The following KIAA0753 variants were observed in gnomAD, a reference collection of about 807,000 sequenced individuals.
The protein encoded by KIAA0753 is protein moonraker.
KIAA0753 carries 114 observed loss-of-function variants against 116.9 expected under a neutral mutation model. The observed-to-expected ratio is 0.98, with a 90% confidence interval of 0.84 to 1.14. The LOEUF (loss-of-function observed/expected upper bound fraction) is 1.14, where lower values mean the gene tolerates loss of function less well. Ranked by LOEUF, KIAA0753 falls within the 50% of genes most tolerant of loss-of-function variation. The pLI is 0.00. For missense variants in KIAA0753, 1,156 were observed against 1,172.4 expected (o/e 0.99, Z 0.20); for synonymous variants, 405 against 413.1 (o/e 0.98, Z 0.24).
At chr17:6,580,190 TAAATA>T (rs1263154404) in intron 18 of KIAA0753, among the ~76,000 whole-genome samples, 1 of 150,998 alleles carries the variant, frequency 6.6e-6, no homozygotes, top group Admixed American at 6.6e-5. Flanking sequence ...CGTCTCAAAA[TAAATA>T]AAATAAAATA....
Position 6,623,063 on chromosome 17 carries a change from C to T in KIAA0753, c.923G>A (p.Arg308Gln), listed in dbSNP as rs756592569. ...WAMSKLAAAH[R>Q]GAIRALQMFV... is the part of the protein sequence containing the mutation. ...CATCTGTAAGGCCCGAATGGCTCCT[C>T]GATGGGCAGCCGCCAGCTTAGACAT... Residue 308 changes from arginine to glutamine, a missense_variant, in exon 6 of 19, where the codon CGA becomes CAA. Physicochemically the swap from Arg to Gln is conservative, Grantham distance 43 (BLOSUM62 1). Coordinates refer to ENST00000361413, the MANE Select transcript of KIAA0753 (RefSeq NM_014804.3). The T allele has an allele frequency of 1.2e-5, 20 of 1,613,724 alleles. No individual in the cohort carries two copies. Among genetic ancestry groups the T allele is most frequent in the South Asian group, 3.3e-5 (3 of 91,068 alleles).
At chr17:6,600,315 C>T in intron 13 of KIAA0753, 65 bp downstream of exon 13, 1 of 1,264,840 alleles carries the variant, frequency 7.9e-7, no homozygotes, top group Non-Finnish European at 1.2e-6. Context: ...GAGACCTCTG[C>T]AGCAACTCAT....
chr17:6,599,044 T>C (rs1261030206), intron 14 of KIAA0753, among the ~76,000 whole-genome samples, 193 bp downstream of exon 14: 1 of 152,180 alleles, frequency 6.6e-6, no homozygotes, highest in Non-Finnish European at 1.5e-5. Context: ...TTGTGCTCTG[T>C]TTGCAGGGCT....
At chr17:6,617,974 T>C (rs1461861592) in intron 7 of KIAA0753, among the ~76,000 whole-genome samples, 4 of 152,118 alleles carry the variant, frequency 2.6e-5, no homozygotes, top group Non-Finnish European at 2.9e-5. Flanking sequence ...AGGTGGTGCA[T>C]GCCTGTAATC....
At chr17:6,610,666 G>A (rs149530652) in intron 8 of KIAA0753, among the ~76,000 whole-genome samples, 3 of 151,728 alleles carry the variant, frequency 2.0e-5, no homozygotes, top group African/African-American at 7.2e-5. Flanking sequence ...GATCACAAGT[G>A]TTAGATACCA....
intron 13 of KIAA0753, 81 bp downstream of exon 13, chr17:6,600,299 A>C (rs1969779908): frequency 9.4e-7 from 1 of 1,061,650 alleles, no homozygotes; most frequent in Admixed American, 1.8e-5. Flanking sequence ...CCTATAAAGG[A>C]TCAATGAGAC....
chr17:6,621,123 C>T (rs1971294605), intron 6 of KIAA0753, 125 bp from the exon 7 acceptor site: 4 of 776,124 alleles, frequency 5.2e-6, no homozygotes, highest in African/African-American at 1.8e-5. Context: ...ACAGTTAACA[C>T]AATCTTAATT....
At chr17:6,620,524 T>C (rs1054715561) in intron 7 of KIAA0753, among the ~76,000 whole-genome samples, 4 of 152,138 alleles carry the variant, frequency 2.6e-5, no homozygotes, top group African/African-American at 4.8e-5. Context: ...AAAGTAGGGT[T>C]CTAACTTCCA....
chr17:6,608,913 A>G (rs1470645699), intron 9 of KIAA0753, among the ~76,000 whole-genome samples: 1 of 152,242 alleles, frequency 6.6e-6, no homozygotes, highest in Non-Finnish European at 1.5e-5. Context: ...GGTTTGTAAT[A>G]CAAACTTCAA....
At chr17:6,610,828 C>T (rs372412099) in intron 8 of KIAA0753, among the ~76,000 whole-genome samples, 4 of 152,186 alleles carry the variant, frequency 2.6e-5, no homozygotes, top group South Asian at 2.1e-4. Flanking sequence ...ATGAATCTAG[C>T]GATTTAAAAA....
intron 2 of KIAA0753, among the ~76,000 whole-genome samples, chr17:6,633,733 C>T (rs1309178822): frequency 6.6e-6 from 1 of 152,102 alleles, no homozygotes; most frequent in African/African-American, 2.4e-5. Context: ...CTGATACATG[C>T]AATGACAAGG....
chr17:6,606,979 A>G lies in KIAA0753; in HGVS notation c.1920-17T>C, dbSNP rs890289196. 1.9e-6 allele frequency: 3 copies of G among 1,610,358 alleles called. No individual in the cohort carries two copies. Among genetic ancestry groups the G allele is most frequent in the Non-Finnish European group, 2.5e-6 (3 of 1,176,570 alleles). On this transcript the variant is annotated splice_polypyrimidine_tract_variant and intron_variant, in intron 11 of 18. Coordinates refer to ENST00000361413, the MANE Select transcript of KIAA0753 (RefSeq NM_014804.3). ...CAATCAAGCCTAGAGAACAGTATCA[A>G]GAGTCACCCCAACTCTCCTCAAGGC... is the stretch of plus-strand genomic sequence containing the variant.
chr17:6,622,145 C>T (rs533042226), intron 6 of KIAA0753, among the ~76,000 whole-genome samples: 2 of 152,208 alleles, frequency 1.3e-5, no homozygotes, highest in Admixed American at 6.5e-5. Context: ...AAATGTATGG[C>T]GTAGGGGAAC....
chr17:6,605,622 A>G (rs532161791), intron 12 of KIAA0753, among the ~76,000 whole-genome samples: 13 of 152,200 alleles, frequency 8.5e-5, no homozygotes, highest in Non-Finnish European at 1.5e-4. Flanking sequence ...ATTAAACAAG[A>G]TATTGTTAGG....
In KIAA0753 at chr17:6,608,361, G is replaced by C; in HGVS notation, c.1816C>G (p.His606Asp). Residue 606 changes from histidine to aspartate, a missense_variant, in exon 10 of 19, where the codon CAT becomes GAT. His to Asp is a moderately conservative substitution (Grantham distance 81). Coordinates refer to ENST00000361413, the MANE Select transcript of KIAA0753 (RefSeq NM_014804.3). ...ACCAGCACAAACCTGGCTGCTTCATGCTCAACAGCACCTGTCAGGTGACTT... is the reference window on the plus strand; with the variant it reads ...ACCAGCACAAACCTGGCTGCTTCATCCTCAACAGCACCTGTCAGGTGACTT... The part of the protein sequence containing the change: ...EESHLTGAVE[H>D]EAARLAWLDA... The C allele has an allele frequency of 2.0e-6, 3 of 1,482,570 alleles. No individual in the cohort carries two copies. The Middle Eastern group carries it at 5.4e-4, about 268-fold the overall frequency. The allele number at this position is 1,482,570 out of a possible 1,614,324, so 91.8% of individuals were successfully genotyped here.
intron 7 of KIAA0753, among the ~76,000 whole-genome samples, chr17:6,616,690 G>A (rs777210378): frequency 3.9e-5 from 6 of 152,190 alleles, no homozygotes; most frequent in Admixed American, 1.3e-4. Context: ...GCTGGGCAGG[G>A]TGGCACATGC....
At chr17:6,610,824 C>A (rs911150957) in intron 8 of KIAA0753, among the ~76,000 whole-genome samples, 1 of 152,130 alleles carries the variant, frequency 6.6e-6, no homozygotes, top group African/African-American at 2.4e-5. Context: ...TAGAATGAAT[C>A]TAGCGATTTA....
chr17:6,634,365 A>T (rs1186764135), intron 2 of KIAA0753, among the ~76,000 whole-genome samples: 1 of 152,172 alleles, frequency 6.6e-6, no homozygotes, highest in Non-Finnish European at 1.5e-5. Flanking sequence ...GGACCTCCCA[A>T]AGTGCTGGGA....
chr17:6,596,796 G>A (rs898751261), intron 14 of KIAA0753, among the ~76,000 whole-genome samples: 4 of 152,186 alleles, frequency 2.6e-5, no homozygotes, highest in African/African-American at 9.7e-5. Context: ...TTGAAACTCT[G>A]TACCTATCAT....
Sources: gnomAD v4.1 joint callset for allele counts (sites outside exome capture counted in the v4.1 genomes callset) on GRCh38, gnomAD v4.1.1 for gene constraint, MANE v1.5 for transcripts, NCBI Gene and HGNC (gene_info 2026-07-23, HGNC 2026-07-21) for gene names.